Variants in LMF1 observed in about 807,000 individuals in gnomAD.
The protein encoded by LMF1 is lipase maturation factor 1, also known as transmembrane protein 112.
In LMF1, 68 loss-of-function variants were observed where a neutral mutation model predicts 60.6. That is an observed-to-expected ratio of 1.12 (90% CI 0.92 to 1.37). LMF1 has a LOEUF of 1.37. Among genes scored for constraint, LMF1 ranks in the 40% most tolerant of loss-of-function variants. LMF1 has a pLI of 0.00. For missense variants in LMF1, 948 were observed against 767.2 expected (o/e 1.24, Z -2.78); for synonymous variants, 418 against 324.7 (o/e 1.29, Z -3.09).
intron 10 of LMF1, among the ~76,000 whole-genome samples, chr16:857,202 T>G: frequency 6.6e-6 from 1 of 151,948 alleles, no homozygotes; most frequent in East Asian, 1.9e-4. Flanking sequence ...AGTTTTTGTC[T>G]GTGACGGCTG....
At chr16:945,069 G>C (rs1311063451) in intron 2 of LMF1, among the ~76,000 whole-genome samples, 1 of 151,944 alleles carries the variant, frequency 6.6e-6, no homozygotes, top group Non-Finnish European at 1.5e-5. Context: ...AAATTGGCCA[G>C]GCGTGGTGGC....
intron 3 of LMF1, among the ~76,000 whole-genome samples, chr16:917,773 C>G (rs1226960956): frequency 1.3e-5 from 2 of 152,204 alleles, no homozygotes; most frequent in Non-Finnish European, 2.9e-5. Context: ...TCGCCCGGCA[C>G]CCCCGGCCTC....
rs920612097 is a variant in LMF1, at chr16:877,718, C to T, written c.897+1852G>A. On this transcript the variant is annotated intron_variant, in intron 6 of 10. Transcript: ENST00000262301. Reference sequence around the variant, plus strand: ...CCTCCCTGCTGTGGGACCCCAGACCCAGGACAGCACTCGAGCCCGCCCAGC... The same window carrying T: ...CCTCCCTGCTGTGGGACCCCAGACCTAGGACAGCACTCGAGCCCGCCCAGC... Among the ~76,000 whole-genome samples the T allele has an allele frequency of 6.6e-5, 10 of 152,262 alleles. No homozygotes were observed. In the South Asian group the frequency reaches 8.3e-4, roughly 13 times the overall value.
chr16:893,383 C>T (rs1410866092), intron 4 of LMF1: 2 of 503,854 alleles, frequency 4.0e-6, no homozygotes. Context: ...AGTTGCGTGT[C>T]TTTAAAGAGG....
intron 4 of LMF1, chr16:899,394 G>A (rs1178407799): frequency 6.6e-6 from 1 of 152,344 alleles, no homozygotes; most frequent in Non-Finnish European, 1.5e-5. Context: ...TGAAGCCGAT[G>A]GGCCCTGAAA....
At chr16:921,154 G>A (rs1351175035) in intron 3 of LMF1, 3 of 152,296 alleles carry the variant, frequency 2.0e-5, no homozygotes, top group Non-Finnish European at 4.4e-5. Flanking sequence ...TTCTTCTGGA[G>A]GCAACTCAAG....
At chr16:890,166 G>T (rs900713338) in intron 5 of LMF1, among the ~76,000 whole-genome samples, 1 of 152,158 alleles carries the variant, frequency 6.6e-6, no homozygotes, top group Admixed American at 6.5e-5. Context: ...GGCCATTCCT[G>T]CCCCAGGAGA....
Position 962,560 on chromosome 16 carries a change from T to C in LMF1, c.194-7894A>G, listed in dbSNP as rs187206093. On this transcript the variant is annotated intron_variant, in intron 1 of 10. Coordinates refer to ENST00000262301, the MANE Select transcript of LMF1 (RefSeq NM_022773.4). This position sits in a 1 kb window ranked among gnomAD's most constrained non-coding sequence, Gnocchi z 4.5. Reference sequence around the variant, plus strand: ...GGTGTGACGGGAAGGGCCCCGCACCTCTGTGGGCGTCTTCCCAAAACCCAT... The same window carrying C: ...GGTGTGACGGGAAGGGCCCCGCACCCCTGTGGGCGTCTTCCCAAAACCCAT... Among the ~76,000 whole-genome samples the C allele has an allele frequency of 6.6e-6, 1 of 152,156 alleles. No individual in the cohort carries two copies. The highest frequency in any genetic ancestry group is 6.5e-5 in the Admixed American group (1 of 15,274).
intron 4 of LMF1, chr16:900,369 C>T (rs894079166): frequency 6.6e-6 from 1 of 152,400 alleles, no homozygotes; most frequent in Middle Eastern, 3.4e-3. Flanking sequence ...ATCAGAAGGC[C>T]CTACCTCTGG....
At chr16:860,066 GTC>G (rs1396185150) in intron 10 of LMF1, among the ~76,000 whole-genome samples, 1 of 143,328 alleles carries the variant, frequency 7.0e-6, no homozygotes, top group Non-Finnish European at 1.5e-5. Context: ...TTGGTGAAAC[GTC>G]TCTGTGCTCA....
chr16:922,355 C>T (rs2071454777), intron 3 of LMF1, among the ~76,000 whole-genome samples: 1 of 152,194 alleles, frequency 6.6e-6, no homozygotes, highest in African/African-American at 2.4e-5. Context: ...CAGCCCACAG[C>T]GACTGGTAGC....
chr16:954,211 C>T lies in LMF1; in HGVS notation c.503+146G>A, dbSNP rs762558347. ...TGTGGCTGGTGCACTGGCCGCTCTG[C>T]CATGGCCTAAGTAAAATGACAATAC... On this transcript the variant is annotated intron_variant, in intron 2 of 10. Transcript: ENST00000262301. The T allele has an allele frequency of 3.7e-5, 33 of 892,516 alleles. No individual in the cohort carries two copies. The Middle Eastern group carries it at 6.3e-4, about 17-fold the overall frequency. 55.3% of individuals were successfully genotyped at this position (892,516 alleles called of 1,614,324 possible).
chr16:978,779 C>G (rs992530091), intron 1 of LMF1, among the ~76,000 whole-genome samples: 4 of 152,018 alleles, frequency 2.6e-5, no homozygotes, highest in African/African-American at 9.7e-5. Context: ...GTGCAGCTCC[C>G]CCCTGGATGA....
intron 2 of LMF1, among the ~76,000 whole-genome samples, chr16:938,989 G>T (rs1028576857): frequency 6.6e-6 from 1 of 152,150 alleles, no homozygotes; most frequent in African/African-American, 2.4e-5. Context: ...TACAGAATGG[G>T]ATGCGGCCAA....
intron 3 of LMF1, among the ~76,000 whole-genome samples, chr16:929,091 T>C (rs1339238126): frequency 6.6e-6 from 1 of 152,060 alleles, no homozygotes; most frequent in African/African-American, 2.4e-5. Flanking sequence ...CCTGGTCACA[T>C]CTCAGCGGCC....
chr16:906,527 C>T (rs533306944), intron 4 of LMF1, among the ~76,000 whole-genome samples: 5 of 152,306 alleles, frequency 3.3e-5, no homozygotes, highest in Admixed American at 6.5e-5. Context: ...CAGGTTCTTC[C>T]GTTCTGAGAC....
chr16:868,900 G>T, intron 10 of LMF1, 44 bp downstream of exon 10: 2 of 1,287,136 alleles, frequency 1.6e-6, no homozygotes, highest in Non-Finnish European at 2.2e-6. Flanking sequence ...CAGACACCTG[G>T]ATTTGGGGGA....
chr16:855,972 G>C (rs1224387415), intron 10 of LMF1: 4 of 455,872 alleles, frequency 8.8e-6, no homozygotes, highest in African/African-American at 8.0e-5. Flanking sequence ...GATGGATGAT[G>C]ATTCTTCTCT....
chr16:948,028 A>C (rs648719), intron 2 of LMF1, among the ~76,000 whole-genome samples: 9,397 of 75,236 alleles, frequency 0.12, 383 homozygotes, highest in African/African-American at 0.21. Context: ...AGAGTCAGAG[A>C]CAACGACAGA....
Sources: allele counts gnomAD v4.1 joint callset (sites outside exome capture counted in the v4.1 genomes callset), GRCh38; gene constraint gnomAD v4.1.1; non-coding constraint Gnocchi (gnomAD v3.1); transcripts MANE v1.5; gene names NCBI Gene and HGNC (gene_info 2026-07-23, HGNC 2026-07-21).